The following SLC25A21 variants were observed in gnomAD, a reference collection of about 807,000 sequenced individuals.
The protein encoded by SLC25A21 is solute carrier family 25 member 21, also known as mitochondrial 2-oxodicarboxylate carrier.
In SLC25A21, 47 loss-of-function variants were observed where a neutral mutation model predicts 43.8. The ratio of observed to expected loss-of-function variants is 1.07; its 90% CI spans 0.85 to 1.37. The LOEUF is 1.37. Among genes scored for constraint, SLC25A21 ranks in the 40% most tolerant of loss-of-function variants. The pLI is 0.00. For synonymous variants in SLC25A21, 131 were observed against 121.3 expected (o/e 1.08, Z -0.52); for missense variants, 352 against 350.2 (o/e 1.00, Z -0.04).
intron 1 of SLC25A21, among the ~76,000 whole-genome samples, chr14:37,128,605 C>T (rs1963340371): frequency 7.2e-6 from 1 of 139,594 alleles, no homozygotes; most frequent in Non-Finnish European, 1.5e-5. Context: ...ATTTTTGAGA[C>T]ACAGTCTGAC....
At chr14:36,994,668 G>A (rs1036370622) in intron 1 of SLC25A21, among the ~76,000 whole-genome samples, 15 of 152,176 alleles carry the variant, frequency 9.9e-5, no homozygotes, top group Middle Eastern at 6.8e-3. Context: ...GCGATATTGC[G>A]TATCTGTCTC....
chr14:37,063,963 G>T (rs1962005687), intron 1 of SLC25A21, among the ~76,000 whole-genome samples: 2 of 152,270 alleles, frequency 1.3e-5, no homozygotes, highest in South Asian at 4.1e-4. Flanking sequence ...GTGTAAATTT[G>T]ACTGGCTTAA....
rs561015777 is a variant in SLC25A21, at chr14:36,738,202, C to G, written c.204-3629G>C. Among the ~76,000 whole-genome samples, 4 of 152,292 alleles carry G rather than the reference C, an allele frequency of 2.6e-5. No homozygotes were observed. In the South Asian group the frequency reaches 8.3e-4, roughly 32 times the overall value. On this transcript the variant is annotated intron_variant, in intron 3 of 9. Coordinates refer to ENST00000331299, the MANE Select transcript of SLC25A21 (RefSeq NM_030631.4). ...AGGTAAGAGCATGTGGTTAAGGGCT[C>G]AAGCTGATAGCTATTCTTGACTAGA...
At chr14:36,903,849 G>C (rs1891463138) in intron 1 of SLC25A21, among the ~76,000 whole-genome samples, 1 of 152,164 alleles carries the variant, frequency 6.6e-6, no homozygotes, top group Non-Finnish European at 1.5e-5. Context: ...GATTAGCCAT[G>C]TAAGTGTCCA....
intron 1 of SLC25A21, among the ~76,000 whole-genome samples, chr14:37,063,122 G>T (rs1389890795): frequency 6.6e-6 from 1 of 152,088 alleles, no homozygotes; most frequent in Non-Finnish European, 1.5e-5. Flanking sequence ...CAAGAAAACA[G>T]GATGGAGAAA....
intron 3 of SLC25A21, among the ~76,000 whole-genome samples, chr14:36,752,168 C>T (rs1885734013): frequency 6.6e-6 from 1 of 152,118 alleles, no homozygotes; most frequent in Admixed American, 6.6e-5. Context: ...AAATGCAAAT[C>T]AAAACCACAA....
intron 1 of SLC25A21, among the ~76,000 whole-genome samples, chr14:36,884,591 C>T (rs555831738): frequency 2.0e-5 from 3 of 152,274 alleles, no homozygotes; most frequent in African/African-American, 4.8e-5. Flanking sequence ...TGCATTCCCA[C>T]CTATAATGTA....
intron 1 of SLC25A21, among the ~76,000 whole-genome samples, chr14:37,103,443 T>C (rs1962854929): frequency 6.6e-6 from 1 of 152,226 alleles, no homozygotes; most frequent in Admixed American, 6.5e-5. Context: ...ATAGTCACCA[T>C]GGGACAACTA....
At chr14:37,137,702 T>C (rs546749422) in intron 1 of SLC25A21, among the ~76,000 whole-genome samples, 10 of 152,234 alleles carry the variant, frequency 6.6e-5, no homozygotes, top group East Asian at 1.9e-4. Context: ...ATCAATACTA[T>C]GTAGTCGGCC....
intron 1 of SLC25A21, among the ~76,000 whole-genome samples, chr14:37,023,830 A>G (rs952888514): frequency 3.3e-5 from 5 of 151,926 alleles, no homozygotes; most frequent in South Asian, 2.1e-4. Context: ...AGAATGGAGC[A>G]CTCACCACTT....
In SLC25A21 at chr14:36,679,489, G is replaced by GAATC. The variant is rs1882095412; in HGVS notation, c.*1165_*1168dup. The GAATC allele has an allele frequency of 1.0e-6, 1 of 985,348 alleles. No individual in the cohort carries two copies. The highest frequency in any genetic ancestry group is 1.2e-6 in the Non-Finnish European group (1 of 829,902). 61.0% of individuals were successfully genotyped at this position (985,348 alleles called of 1,614,324 possible). On this transcript the variant is annotated 3_prime_UTR_variant, in exon 10 of 10. Coordinates refer to ENST00000331299, the MANE Select transcript of SLC25A21 (RefSeq NM_030631.4). The stretch of plus-strand genomic sequence containing the variant: ...TTCAGTTATTCTTGTTGACTTTACT[G>GAATC]AATCAGCATCATCTCTGGATGCAGA...
At chr14:36,951,764 G>C (rs186615357) in intron 1 of SLC25A21, among the ~76,000 whole-genome samples, 68 of 152,190 alleles carry the variant, frequency 4.5e-4, no homozygotes, top group African/African-American at 1.5e-3. Flanking sequence ...TTCTAATACA[G>C]GCTTCTAGGT....
chr14:37,029,363 A>T (rs1429989956), intron 1 of SLC25A21, among the ~76,000 whole-genome samples: 1 of 151,976 alleles, frequency 6.6e-6, no homozygotes, highest in Non-Finnish European at 1.5e-5. Context: ...CCCTTTGCAG[A>T]CTCCATATTT....
intron 1 of SLC25A21, among the ~76,000 whole-genome samples, chr14:37,141,781 CT>C (rs1483862855): frequency 2.0e-5 from 3 of 152,142 alleles, no homozygotes; most frequent in Admixed American, 6.6e-5. Flanking sequence ...ATTGCACTGA[CT>C]TTATTTTTCA....
chr14:37,084,790 T>C (rs1181467943), intron 1 of SLC25A21, among the ~76,000 whole-genome samples: 4 of 152,180 alleles, frequency 2.6e-5, no homozygotes, highest in African/African-American at 7.2e-5. Context: ...AGATTTAAAA[T>C]TCCTACACAA....
chr14:36,936,596 G>A (rs561148588), intron 1 of SLC25A21, among the ~76,000 whole-genome samples: 2 of 152,118 alleles, frequency 1.3e-5, no homozygotes, highest in East Asian at 3.9e-4. Flanking sequence ...GGTTCTCTGG[G>A]AGCCCCTTCC....
At chr14:37,082,720 T>A (rs879262621) in intron 1 of SLC25A21, among the ~76,000 whole-genome samples, 12 of 152,304 alleles carry the variant, frequency 7.9e-5, no homozygotes, top group Admixed American at 5.9e-4. Context: ...AGATGGCCAC[T>A]GGACAAAAGA....
chr14:36,818,458 G>A (rs141440954), intron 2 of SLC25A21, among the ~76,000 whole-genome samples: 3 of 152,300 alleles, frequency 2.0e-5, no homozygotes, highest in African/African-American at 7.2e-5. Flanking sequence ...CATGAGCAAT[G>A]CAAAAGGATG....
At chr14:36,714,646 C>A (rs554344457) in intron 6 of SLC25A21, among the ~76,000 whole-genome samples, 95 of 152,318 alleles carry the variant, frequency 6.2e-4, no homozygotes, top group African/African-American at 2.1e-3. Context: ...CATTTGTATA[C>A]GTGATCAGGT....
Sources: gnomAD v4.1 joint callset for allele counts (sites outside exome capture counted in the v4.1 genomes callset) on GRCh38, gnomAD v4.1.1 for gene constraint, MANE v1.5 for transcripts, NCBI Gene and HGNC (gene_info 2026-07-23, HGNC 2026-07-21) for gene names.